Variants in SHE observed in about 807,000 individuals in gnomAD.
SHE encodes SH2 domain-containing adapter protein E.
SHE carries 11 observed loss-of-function variants against 49.8 expected under a neutral mutation model. That is an observed-to-expected ratio of 0.22 (90% CI 0.14 to 0.37). The LOEUF (loss-of-function observed/expected upper bound fraction) is 0.37. Ranked by LOEUF, SHE falls within the 10% of genes least tolerant of loss-of-function variation. SHE has a pLI of 1.00. For missense variants in SHE, 624 were observed against 655.5 expected, an observed-to-expected ratio of 0.95 and a Z score of 0.52; for synonymous variants, 310 against 278.1, an observed-to-expected ratio of 1.11 and a Z score of -1.14.
chr1:154,491,460 TCTC>T (rs1456022420), intron 2 of SHE, among the ~76,000 whole-genome samples: 2 of 152,182 alleles, frequency 1.3e-5, no homozygotes, highest in African/African-American at 4.8e-5. Context: ...CTCAGCATCT[TCTC>T]CTCTCCGGAG....
intron 1 of SHE, among the ~76,000 whole-genome samples, chr1:154,500,855 T>C (rs1373416853): frequency 1.3e-5 from 2 of 152,228 alleles, no homozygotes; most frequent in Non-Finnish European, 2.9e-5. Flanking sequence ...TTTCCTCATA[T>C]GGCTGCTGCG....
intron 3 of SHE, among the ~76,000 whole-genome samples, chr1:154,488,415 C>T (rs1257027983): frequency 6.6e-6 from 1 of 151,896 alleles, no homozygotes; most frequent in Admixed American, 6.6e-5. Flanking sequence ...TACGCCACCA[C>T]GTCCAGCTAA....
At chr1:154,490,554 C>A (rs926848330) in intron 2 of SHE, among the ~76,000 whole-genome samples, 4 of 152,140 alleles carry the variant, frequency 2.6e-5, no homozygotes, top group African/African-American at 4.8e-5. Context: ...TAGAGAAGGT[C>A]ATTTCCAGTA....
chr1:154,493,778 C>T (rs889126154), intron 2 of SHE, among the ~76,000 whole-genome samples: 5 of 152,190 alleles, frequency 3.3e-5, no homozygotes, highest in African/African-American at 1.2e-4. Context: ...GTCCAGAATG[C>T]TCTTTGGAAA....
rs779475169 is a variant in SHE at position 154,481,606 on chromosome 1, TATTAAA to T, written c.*2537_*2542del. 1.8e-4 allele frequency: 174 copies of T among 985,070 alleles called. No homozygotes were observed. The highest frequency in any genetic ancestry group is 2.1e-4 in the Non-Finnish European group (174 of 829,680). The allele number at this position is 985,070 out of a possible 1,614,324, so 61.0% of individuals were successfully genotyped here. A position where few individuals can be genotyped will look rare whatever the true frequency, so the allele number is the denominator to read the frequency against. On this transcript the variant is annotated 3_prime_UTR_variant, in exon 6 of 6. Transcript: ENST00000304760. ...AAAATTGTATAAAGCTTTTAGCATT[TATTAAA>T]ATTAGAATAACTGCTGTATTCCCTT...
In SHE at chr1:154,481,796, A is replaced by G. The variant is rs1433482403; in HGVS notation, c.*2353T>C. 1.0e-6 allele frequency: 1 copy of G among 974,686 alleles called. No individual in the cohort carries two copies. Among genetic ancestry groups the G allele is most frequent in the Non-Finnish European group, 1.2e-6 (1 of 820,270 alleles). The allele number at this position is 974,686 out of a possible 1,614,324, so 60.4% of individuals were successfully genotyped here. The stretch of plus-strand genomic sequence containing the variant: ...ACACTAAAGATATAGTAAATGAACC[A>G]ATACACACTGAAAACATTCTATCAG... On this transcript the variant is annotated 3_prime_UTR_variant, in exon 6 of 6. Coordinates refer to ENST00000304760, the MANE Select transcript of SHE (RefSeq NM_001010846.3).
chr1:154,490,977 C>T (rs1249690155), intron 2 of SHE, among the ~76,000 whole-genome samples: 30 of 152,132 alleles, frequency 2.0e-4, no homozygotes, highest in Admixed American at 2.0e-3. Context: ...CAACCAGCCA[C>T]AGTGAGAAGG....
At chr1:154,470,514 C>T (rs1026388124) in intron 1 of SHE, among the ~76,000 whole-genome samples, 21 of 152,310 alleles carry the variant, frequency 1.4e-4, no homozygotes, top group African/African-American at 4.8e-4. Flanking sequence ...CATCCTCCAT[C>T]CTCCAGTAGC....
At chr1:154,495,356 T>C (rs1162492500) in intron 2 of SHE, among the ~76,000 whole-genome samples, 1 of 152,144 alleles carries the variant, frequency 6.6e-6, no homozygotes, top group Non-Finnish European at 1.5e-5. Context: ...GCAACAGAGG[T>C]TTATATTAAT....
chr1:154,486,445 G>T, intron 4 of SHE, 82 bp downstream of exon 4: 2 of 1,527,576 alleles, frequency 1.3e-6, no homozygotes, highest in South Asian at 1.2e-5. Flanking sequence ...ATAATCATGT[G>T]AAATGGGCCA....
downstream of SHE, among the ~76,000 whole-genome samples, chr1:154,478,590 A>G (rs1018877019): frequency 2.0e-5 from 3 of 152,150 alleles, no homozygotes; most frequent in Non-Finnish European, 4.4e-5. Context: ...TGGCAGATTA[A>G]ATGAGATGCT....
rs1403267306 is a variant in SHE, at chr1:154,501,476, G to A, written c.551C>T (p.Pro184Leu). Residue 184 changes from proline (P) to leucine (L), a missense_variant, in exon 1 of 6, where the codon CCC becomes CTC. Around this residue, in one of 4 missense-constraint regions of SHE, gnomAD observed 337 missense variants for 306.0 expected, o/e 1.10. Coordinates refer to ENST00000304760, the MANE Select transcript of SHE (RefSeq NM_001010846.3). ...AATAATCTTGCCCTTGTCCAGCTCG[G>A]GCCCCAGGGAGGAAGGGGAAGAGGA... ...SASSSPSSLG[P>L]ELDKGKIIKQ... 1 of 1,614,036 alleles carries A rather than the reference G, an allele frequency of 6.2e-7. No individual in the cohort carries two copies. The highest frequency in any genetic ancestry group is 8.5e-7 in the Non-Finnish European group (1 of 1,180,024).
At position 154,474,140 on chromosome 1, in the gene SHE, G is replaced by A. The variant is rs572279315; in HGVS notation, c.103-3778C>T. Among the ~76,000 whole-genome samples the A allele has an allele frequency of 1.1e-3, 164 of 152,346 alleles. 2 individuals carry two copies. Among genetic ancestry groups the A allele is most frequent in the Non-Finnish European group, 2.2e-4 (15 of 68,038 alleles). ...CAGGTGCCCTCACCCTGTGTGGGGT[G>A]GGGCCTGACCCACTCACCCCGGGAG... On this transcript the variant is annotated intron_variant, in intron 1 of 1. Coordinates refer to the SHE transcript ENST00000486773.
chr1:154,490,870 G>A (rs1382950108), intron 2 of SHE, among the ~76,000 whole-genome samples: 1 of 151,868 alleles, frequency 6.6e-6, no homozygotes, highest in Non-Finnish European at 1.5e-5. Flanking sequence ...TGGTGTACAG[G>A]ATAGAGTAAA....
intron 2 of SHE, among the ~76,000 whole-genome samples, chr1:154,496,492 G>A (rs1692534364): frequency 6.6e-6 from 1 of 152,180 alleles, no homozygotes; most frequent in Non-Finnish European, 1.5e-5. Flanking sequence ...TGGTTGAGTG[G>A]AAAGGTGCCT....
chr1:154,477,890 CAAA>C (rs35912019), downstream of SHE, among the ~76,000 whole-genome samples: 8 of 104,348 alleles, frequency 7.7e-5, no homozygotes, highest in Admixed American at 1.0e-4. Context: ...GACACTGTCT[CAAA>C]AAAAAAAAAA....
At chr1:154,473,032 G>C (rs1017396812) in intron 1 of SHE, among the ~76,000 whole-genome samples, 1 of 151,828 alleles carries the variant, frequency 6.6e-6, no homozygotes, top group African/African-American at 2.4e-5. Context: ...GAGTTTTGCT[G>C]TTGTTGCCAA....
chr1:154,499,702 T>A (rs115110418), intron 1 of SHE, among the ~76,000 whole-genome samples: 1 of 151,562 alleles, frequency 6.6e-6, no homozygotes, highest in African/African-American at 2.4e-5. Flanking sequence ...TGTGAAGGAG[T>A]CAAAATAAAC....
At chr1:154,479,422 G>A (rs1691962139), downstream of SHE, 1 of 844,576 alleles carries the variant, frequency 1.2e-6, no homozygotes, top group South Asian at 5.5e-5. Context: ...ACCATGGGAA[G>A]TATTTTTCTG....
Sources: allele counts gnomAD v4.1 joint callset (sites outside exome capture counted in the v4.1 genomes callset), GRCh38; gene constraint gnomAD v4.1.1; regional missense constraint gnomAD v4.1.1; transcripts MANE v1.5; gene names NCBI Gene and HGNC (gene_info 2026-07-23, HGNC 2026-07-21).